ATM: variants seen among roughly 807,000 people sequenced by gnomAD.
ATM encodes serine-protein kinase ATM.
In ATM, 308 loss-of-function variants were observed where a neutral mutation model predicts 387.0. The ratio of observed to expected loss-of-function variants is 0.80; its 90% CI spans 0.73 to 0.87. The LOEUF is 0.87. Among genes scored for constraint, ATM ranks in the 40% least tolerant of loss-of-function variants. ATM has a pLI of 0.00. For missense variants in ATM, 3,312 were observed against 3,560.9 expected (o/e 0.93, Z 1.78); for synonymous variants, 1,156 against 1,187.3 (o/e 0.97, Z 0.54).
At position 108,303,040 on chromosome 11, in the gene ATM, T is replaced by C. The variant is rs751491395; in HGVS notation, c.5496+11T>C. On this transcript the variant is annotated intron_variant, in intron 36 of 62. Transcript: ENST00000675843. ...AAGCCAATGTGTGAAGTAAGAAGAT[T>C]AATTAGTCTGATATAATTCCTTGTT... is the stretch of plus-strand genomic sequence containing the variant. 29 of 1,604,232 alleles carry C rather than the reference T, an allele frequency of 1.8e-5. No homozygotes were observed. The East Asian group carries it at 6.0e-4, about 33-fold the overall frequency.
intron 29 of ATM, among the ~76,000 whole-genome samples, chr11:108,291,331 T>C (rs2082784702): frequency 6.6e-6 from 1 of 152,252 alleles, no homozygotes; most frequent in South Asian, 2.1e-4. Context: ...GATTTCTATT[T>C]TTTAAGGTCT....
chr11:108,242,857 C>T (rs989171646), intron 5 of ATM, among the ~76,000 whole-genome samples: 2 of 152,214 alleles, frequency 1.3e-5, no homozygotes. Context: ...TCCTTTTTCT[C>T]TTATCAGGAA....
intron 5 of ATM, among the ~76,000 whole-genome samples, chr11:108,237,953 G>A (rs2079375625): frequency 8.0e-6 from 1 of 125,342 alleles, no homozygotes; most frequent in South Asian, 2.7e-4. Context: ...TTGAGACAGA[G>A]TCTCCCTCTG....
chr11:108,357,046 A>T (rs996356441), intron 61 of ATM, among the ~76,000 whole-genome samples: 1 of 152,184 alleles, frequency 6.6e-6, no homozygotes, highest in African/African-American at 2.4e-5. Flanking sequence ...GGTTCATCTC[A>T]CTAGGGAGCG....
chr11:108,303,011 A>G lies in ATM; in HGVS notation c.5478A>G (p.Leu1826=). ...GCACAAAATGTGAAATTCTTCAATTATTAAAGCCAATGTGTGAAGTAAGAA... is the reference window on the plus strand; with the variant it reads ...GCACAAAATGTGAAATTCTTCAATTGTTAAAGCCAATGTGTGAAGTAAGAA... The part of the protein sequence containing the change: ...SGGTKCEILQ[L]LKPMCEVKTD... The change falls in exon 36 of 63, where the codon TTA becomes TTG. Residue 1826 remains leucine, a synonymous_variant. Coordinates refer to ENST00000675843, the MANE Select transcript of ATM (RefSeq NM_000051.4). The G allele has an allele frequency of 6.2e-7, 1 of 1,612,750 alleles. No homozygotes were observed. Among genetic ancestry groups the G allele is most frequent in the Non-Finnish European group, 8.5e-7 (1 of 1,178,900 alleles).
intron 13 of ATM, among the ~76,000 whole-genome samples, chr11:108,254,793 C>A (rs539135742): frequency 1.1e-4 from 17 of 152,156 alleles, no homozygotes; most frequent in Non-Finnish European, 2.5e-4. Context: ...CTGGGACAGG[C>A]GAGTGCTACC....
rs946942912 is a variant in ATM at position 108,317,451 on chromosome 11, C to T, written c.6277C>T (p.Pro2093Ser). Residue 2093 changes from proline to serine, a missense_variant, in exon 43 of 63, where the codon CCT (proline) becomes TCT (serine). Coordinates refer to ENST00000675843, the MANE Select transcript of ATM (RefSeq NM_000051.4). ...GLDYENKDWC[P>S]ELEELHYQAA... Reference sequence around the variant, plus strand: ...GGATTATGAAAATAAAGACTGGTGTCCTGAACTAGAAGAACTTCATTACCA... The same window carrying T: ...GGATTATGAAAATAAAGACTGGTGTTCTGAACTAGAAGAACTTCATTACCA... 2.5e-6 allele frequency: 4 copies of T among 1,612,008 alleles called. 1 individual carries two copies. Among genetic ancestry groups the T allele is most frequent in the Non-Finnish European group, 1.7e-6 (2 of 1,179,398 alleles).
Position 108,299,663 on chromosome 11 carries a change from A to G in ATM, c.5006-51A>G, listed in dbSNP as rs1392320689. 1.9e-6 allele frequency: 3 copies of G among 1,569,294 alleles called. No homozygotes were observed. The African/African-American group carries it at 4.1e-5, about 21-fold the overall frequency. On this transcript the variant is annotated intron_variant, in intron 33 of 62. Coordinates refer to ENST00000675843, the MANE Select transcript of ATM (RefSeq NM_000051.4). ...TTTGAAATTAGAAAATTTCAGTTTT[A>G]TGTATGATCTCTTACCTATGACTCT...
At chr11:108,327,965 T>C (rs1229389732) in intron 48 of ATM, among the ~76,000 whole-genome samples, 9 of 152,198 alleles carry the variant, frequency 5.9e-5, no homozygotes, top group African/African-American at 2.2e-4. Flanking sequence ...AGCCCAAGTA[T>C]AGTATCTCTT....
chr11:108,291,217 C>A (rs1330404923), intron 29 of ATM, among the ~76,000 whole-genome samples: 1 of 151,968 alleles, frequency 6.6e-6, no homozygotes, highest in African/African-American at 2.4e-5. Context: ...GCCTGGGCGA[C>A]AGAGCAAGAC....
At chr11:108,339,993 A>G (rs2136830676) in intron 56 of ATM, among the ~76,000 whole-genome samples, 1 of 152,302 alleles carries the variant, frequency 6.6e-6, no homozygotes, top group Non-Finnish European at 1.5e-5. Flanking sequence ...TACTCTACTG[A>G]GTGCTAGGTC....
At chr11:108,292,399 C>T (rs1376343938) in intron 29 of ATM, among the ~76,000 whole-genome samples, 1 of 152,116 alleles carries the variant, frequency 6.6e-6, no homozygotes, top group Non-Finnish European at 1.5e-5. Context: ...ACAATTTTGC[C>T]TGTTTTTCAA....
intron 34 of ATM, 128 bp downstream of exon 34, chr11:108,300,013 A>ATATAAGAATT: frequency 1.1e-6 from 1 of 896,274 alleles, no homozygotes; most frequent in Non-Finnish European, 1.7e-6. Flanking sequence ...CTTTATGAAA[A>ATATAAGAATT]TTCTTATATT....
At chr11:108,264,202 C>T (rs2081078502) in intron 16 of ATM, among the ~76,000 whole-genome samples, 2 of 151,978 alleles carry the variant, frequency 1.3e-5, no homozygotes, top group African/African-American at 2.4e-5. Context: ...AGACCAATAT[C>T]CTTGATGAAC....
At chr11:108,279,779 A>G (rs145354860) in intron 23 of ATM, among the ~76,000 whole-genome samples, 171 bp downstream of exon 23, 3 of 152,308 alleles carry the variant, frequency 2.0e-5, no homozygotes, top group Admixed American at 6.5e-5. Flanking sequence ...CTGGGTCACA[A>G]TGGGTCAAAT....
At chr11:108,258,853 G>T (rs774601074) in intron 15 of ATM, 133 bp from the exon 16 acceptor site, 88 of 692,902 alleles carry the variant, frequency 1.3e-4, no homozygotes, top group Non-Finnish European at 1.9e-4. Flanking sequence ...ATGTGTTTTT[G>T]AAGCAGCATA....
rs4988086 is a variant in ATM, at chr11:108,316,423, G to A, written c.6198+310G>A. Among the ~76,000 whole-genome samples the A allele has an allele frequency of 0.016, 2,482 of 152,204 alleles. 61 individuals carry two copies. The highest frequency in any genetic ancestry group is 0.056 in the African/African-American group (2,344 of 41,504). On this transcript the variant is annotated intron_variant, in intron 42 of 62. Coordinates refer to ENST00000675843, the MANE Select transcript of ATM (RefSeq NM_000051.4). ...TGCTCGAGCATATACAATGTGCCAG[G>A]TAGTGTACTTACTGCTTCACATGGA...
intron 16 of ATM, among the ~76,000 whole-genome samples, chr11:108,262,507 C>T (rs11212572): frequency 0.49 from 73,298 of 149,158 alleles, 18,717 homozygotes; most frequent in Middle Eastern, 0.72. Context: ...AAGGAACAAC[C>T]GGTACCAGCC....
intron 37 of ATM, among the ~76,000 whole-genome samples, chr11:108,306,783 CA>C (rs1299551785): frequency 6.6e-6 from 1 of 152,188 alleles, no homozygotes; most frequent in Admixed American, 6.5e-5. Context: ...CTCAGCTGTC[CA>C]AAAGCAAACG....
Sources: allele counts gnomAD v4.1 joint callset (sites outside exome capture counted in the v4.1 genomes callset), GRCh38; gene constraint gnomAD v4.1.1; transcripts MANE v1.5; gene names NCBI Gene and HGNC (gene_info 2026-07-23, HGNC 2026-07-21).